The following DPP10 variants were observed in gnomAD, a reference collection of about 807,000 sequenced individuals.
DPP10 encodes the protein dipeptidyl peptidase like 10.
DPP10 carries 33 observed loss-of-function variants against 120.9 expected under a neutral mutation model. The ratio of observed to expected loss-of-function variants is 0.27; its 90% CI spans 0.21 to 0.37. DPP10 has a LOEUF of 0.37. DPP10 is among the 10% of genes least tolerant of loss of function. The probability of loss-of-function intolerance (pLI) is 1.00; values close to 1 mark genes in which losing one functional copy is unlikely to be tolerated. For missense variants in DPP10, 816 were observed against 942.8 expected (o/e 0.87, Z 1.76); for synonymous variants, 337 against 326.1 (o/e 1.03, Z -0.36).
intron 5 of DPP10, among the ~76,000 whole-genome samples, chr2:115,587,345 G>T (rs2082361268): frequency 6.6e-6 from 1 of 151,810 alleles, no homozygotes; most frequent in Admixed American, 6.6e-5. Context: ...TGATCCGCCC[G>T]CCTCGGCCTC....
At chr2:115,674,234 AT>A (rs1182004897) in intron 5 of DPP10, among the ~76,000 whole-genome samples, 1 of 147,138 alleles carries the variant, frequency 6.8e-6, no homozygotes, top group East Asian at 2.0e-4. Flanking sequence ...TCACAAAAAA[AT>A]AAATGAGTAA....
chr2:115,243,607 G>T (rs145936845), intron 1 of DPP10, among the ~76,000 whole-genome samples: 2 of 151,826 alleles, frequency 1.3e-5, no homozygotes, highest in Admixed American at 6.6e-5. Flanking sequence ...CATGATCTTT[G>T]ACTTACTTAA....
chr2:115,630,224 A>T (rs569947193), intron 5 of DPP10, among the ~76,000 whole-genome samples: 12 of 152,190 alleles, frequency 7.9e-5, no homozygotes, highest in African/African-American at 2.9e-4. Flanking sequence ...ATTAGTGTAT[A>T]GGAAAGTTTA....
intron 1 of DPP10, among the ~76,000 whole-genome samples, chr2:114,952,556 T>C (rs1475314337): frequency 6.6e-6 from 1 of 151,938 alleles, no homozygotes; most frequent in Non-Finnish European, 1.5e-5. Context: ...GTAAAATGAG[T>C]GTATGAAACT....
intron 4 of DPP10, 70 bp downstream of exon 4, chr2:115,499,674 C>T (rs2076583372): frequency 9.0e-7 from 1 of 1,106,022 alleles, no homozygotes; most frequent in Admixed American, 2.4e-5. Flanking sequence ...ATGTACATAA[C>T]TTTCTATTCT....
chr2:115,349,869 C>G (rs2063911693), intron 3 of DPP10, among the ~76,000 whole-genome samples: 1 of 152,022 alleles, frequency 6.6e-6, no homozygotes, highest in African/African-American at 2.4e-5. Context: ...ACTTCTAACT[C>G]CAAAGACATC....
At chr2:115,796,059 C>G (rs534357679) in intron 19 of DPP10, among the ~76,000 whole-genome samples, 1 of 152,218 alleles carries the variant, frequency 6.6e-6, no homozygotes, top group South Asian at 2.1e-4. Flanking sequence ...CCTCACACTA[C>G]GTAACAGTCT....
At chr2:115,427,916 C>T (rs545952788) in intron 3 of DPP10, among the ~76,000 whole-genome samples, 2 of 152,182 alleles carry the variant, frequency 1.3e-5, no homozygotes, top group Non-Finnish European at 2.9e-5. Flanking sequence ...GCATTTGAAG[C>T]TGGCTGTTAG....
intron 1 of DPP10, among the ~76,000 whole-genome samples, chr2:114,990,840 G>T (rs143704746): frequency 5.3e-5 from 8 of 152,230 alleles, no homozygotes; most frequent in African/African-American, 1.9e-4. Context: ...TGCTGTCGCT[G>T]ATAGTCCTTC....
intron 1 of DPP10, among the ~76,000 whole-genome samples, chr2:115,154,368 A>C (rs1232086991): frequency 6.6e-6 from 1 of 152,276 alleles, no homozygotes; most frequent in Non-Finnish European, 1.5e-5. Flanking sequence ...TTCCATGCTT[A>C]TGTGGCTTTT....
At chr2:115,440,972 G>C (rs1423291638) in intron 3 of DPP10, 1 of 152,168 alleles carries the variant, frequency 6.6e-6, no homozygotes, top group South Asian at 2.1e-4. Flanking sequence ...TGGGTAAGGA[G>C]CCCTTAGTGT....
rs565731759 is a variant in DPP10, at chr2:114,507,183, G to C, written c.60+64345G>C. ...CCGCCTCAGCCTCTCGAATAGCTGA[G>C]ACTACAGGCATGCACTACAACACCC... On this transcript the variant is annotated intron_variant, in intron 1 of 25. Transcript: ENST00000410059. 2.0e-5 allele frequency among the ~76,000 whole-genome samples: 3 copies of C among 151,788 alleles called. No individual in the cohort carries two copies. The South Asian group carries it at 6.3e-4, about 32-fold the overall frequency.
At chr2:114,785,846 A>G (rs1574183426) in intron 1 of DPP10, among the ~76,000 whole-genome samples, 1 of 152,230 alleles carries the variant, frequency 6.6e-6, no homozygotes, top group African/African-American at 2.4e-5. Context: ...GCCTTGAACT[A>G]TAAAGAGGTT....
At chr2:115,118,790 TGTTTAG>T (rs1323690050) in intron 1 of DPP10, among the ~76,000 whole-genome samples, 104 of 133,980 alleles carry the variant, frequency 7.8e-4, no homozygotes, top group Middle Eastern at 4.1e-3. Flanking sequence ...TGTGTGTGTG[TGTTTAG>T]TAGAGATGGG....
chr2:114,857,307 A>T (rs2106513007), intron 1 of DPP10, among the ~76,000 whole-genome samples: 1 of 152,362 alleles, frequency 6.6e-6, no homozygotes, highest in South Asian at 2.1e-4. Context: ...GAGGGAAGTT[A>T]TTCCACCTGA....
intron 1 of DPP10, among the ~76,000 whole-genome samples, chr2:114,978,514 A>T (rs1699890490): frequency 6.6e-6 from 1 of 152,122 alleles, no homozygotes; most frequent in Non-Finnish European, 1.5e-5. Flanking sequence ...CAACATAGGG[A>T]TTCTCAAGAA....
At chr2:114,451,174 A>G (rs1482212125) in intron 1 of DPP10, among the ~76,000 whole-genome samples, 1 of 152,008 alleles carries the variant, frequency 6.6e-6, no homozygotes, top group African/African-American at 2.4e-5. Flanking sequence ...ATGGACAGCT[A>G]TGGCAAATTT....
At chr2:114,923,400 T>C (rs918060787) in intron 1 of DPP10, among the ~76,000 whole-genome samples, 10 of 151,372 alleles carry the variant, frequency 6.6e-5, no homozygotes, top group African/African-American at 2.4e-4. Flanking sequence ...GCCAGGCTGG[T>C]CTCTATCTCC....
chr2:115,017,364 A>G (rs1236129960), intron 1 of DPP10, among the ~76,000 whole-genome samples: 1 of 152,166 alleles, frequency 6.6e-6, no homozygotes, highest in Admixed American at 6.5e-5. Flanking sequence ...CAGGTCCTGG[A>G]GAGGATGTGG....
Sources: gnomAD v4.1 joint callset for allele counts (sites outside exome capture counted in the v4.1 genomes callset) on GRCh38, gnomAD v4.1.1 for gene constraint, MANE v1.5 for transcripts, NCBI Gene and HGNC (gene_info 2026-07-23, HGNC 2026-07-21) for gene names.